Variants in RTTN observed in about 807,000 individuals in gnomAD.
RTTN encodes the protein rotatin.
Under a neutral mutation model 269.2 loss-of-function variants are expected in RTTN, and 182 were observed. That is an observed-to-expected ratio of 0.68 (90% confidence interval 0.60 to 0.76). The LOEUF (loss-of-function observed/expected upper bound fraction) is 0.76, where lower values mean the gene tolerates loss of function less well. RTTN is among the 30% of genes least tolerant of loss of function. RTTN has a pLI of 0.00. For missense variants in RTTN, 2,545 were observed against 2,608.6 expected (o/e 0.98, Z 0.53); for synonymous variants, 1,006 against 963.5 (o/e 1.04, Z -0.82).
rs549605470 is a variant in RTTN, at chr18:70,051,421, T to C, written c.5313A>G (p.Thr1771=). 2 of 1,609,646 alleles carry C rather than the reference T, an allele frequency of 1.2e-6. No individual in the cohort carries two copies. The highest frequency in any genetic ancestry group is 2.2e-5 in the East Asian group (1 of 44,830). ...FVTVALAKHW[T]AAIDMFCTCA... is the part of the protein sequence containing the mutation. ...CAAGTATCTTCTTACCAATCGCCGCTGTCCAGTGCTTGGCCAGGGCCACGG... is the reference window on the plus strand; with the variant it reads ...CAAGTATCTTCTTACCAATCGCCGCCGTCCAGTGCTTGGCCAGGGCCACGG... The change falls in exon 39 of 49, where the codon ACA becomes ACG. Residue 1771 remains threonine (T), a synonymous_variant. Transcript: ENST00000640769.
chr18:70,142,290 T>C lies in RTTN; in HGVS notation c.2579A>G (p.Gln860Arg). 1 of 1,579,654 alleles carries C rather than the reference T, an allele frequency of 6.3e-7. No individual in the cohort carries two copies. The highest frequency in any genetic ancestry group is 8.7e-7 in the Non-Finnish European group (1 of 1,150,846). The part of the protein sequence containing the change: ...SAAEQLAVIM[Q>R]DIKMHAVVKK... ...TCATTTCCCTTAAAAGACATTACCT[T>C]GCATAATCACAGCTAACTGTTCAGC... The change falls in exon 19 of 49, where the codon CAA becomes CGA. Residue 860 changes from glutamine (Q) to arginine (R), a missense_variant and splice_region_variant. Coordinates refer to ENST00000640769, the MANE Select transcript of RTTN (RefSeq NM_173630.4).
chr18:70,094,945 T>C (rs775661683), intron 28 of RTTN, among the ~76,000 whole-genome samples: 1 of 152,126 alleles, frequency 6.6e-6, no homozygotes, highest in African/African-American at 2.4e-5. Flanking sequence ...CTAAGTCTCT[T>C]TGTAGGTCTC....
intron 10 of RTTN, among the ~76,000 whole-genome samples, chr18:70,179,924 T>G (rs1054076938): frequency 6.6e-6 from 1 of 152,092 alleles, no homozygotes; most frequent in Non-Finnish European, 1.5e-5. Context: ...AAGGCAGGAC[T>G]ACTCAGCATC....
intron 40 of RTTN, among the ~76,000 whole-genome samples, chr18:70,032,915 C>T (rs1169776115): frequency 6.6e-6 from 1 of 152,208 alleles, no homozygotes; most frequent in Non-Finnish European, 1.5e-5. Flanking sequence ...CTAAAATCAA[C>T]CACACAATCA....
intron 27 of RTTN, among the ~76,000 whole-genome samples, chr18:70,113,720 A>T (rs75401292): frequency 6.6e-6 from 1 of 152,170 alleles, no homozygotes; most frequent in Non-Finnish European, 1.5e-5. Context: ...TCATAGAAAG[A>T]AGTAGTGATA....
At chr18:70,066,813 C>G (rs1599363626) in intron 34 of RTTN, among the ~76,000 whole-genome samples, 1 of 152,198 alleles carries the variant, frequency 6.6e-6, no homozygotes, top group African/African-American at 2.4e-5. Flanking sequence ...CTTAGAATTA[C>G]CATGATGAAA....
At chr18:70,133,456 CA>C (rs1227586157) in intron 23 of RTTN, among the ~76,000 whole-genome samples, 2 of 152,080 alleles carry the variant, frequency 1.3e-5, no homozygotes, top group African/African-American at 2.4e-5. Context: ...GTCATTTCTT[CA>C]TAATAGCCCA....
chr18:70,005,087 G>A, intron 48 of RTTN, 111 bp downstream of exon 48: 1 of 603,772 alleles, frequency 1.7e-6, no homozygotes, highest in East Asian at 2.9e-5. Context: ...CTGAATATTG[G>A]CACATTTTAC....
At chr18:70,031,448 G>A (rs535562063) in intron 40 of RTTN, 19 of 397,408 alleles carry the variant, frequency 4.8e-5, no homozygotes, top group African/African-American at 1.4e-4. Context: ...TCCATCTTTC[G>A]TTTCTATGGT....
At chr18:70,170,322 T>C (rs1048489395) in intron 11 of RTTN, among the ~76,000 whole-genome samples, 1 of 152,070 alleles carries the variant, frequency 6.6e-6, no homozygotes, top group Admixed American at 6.6e-5. Flanking sequence ...CTGAAGAAAG[T>C]AGAGTGTAAA....
intron 40 of RTTN, among the ~76,000 whole-genome samples, chr18:70,039,915 G>A (rs2057290438): frequency 6.6e-6 from 1 of 152,012 alleles, no homozygotes; most frequent in Admixed American, 6.5e-5. Flanking sequence ...TAAAATAATG[G>A]GCTATAAGAA....
intron 9 of RTTN, among the ~76,000 whole-genome samples, chr18:70,190,258 T>C (rs1477125926): frequency 6.8e-6 from 1 of 146,530 alleles, no homozygotes; most frequent in Non-Finnish European, 1.5e-5. Flanking sequence ...CAAGAATAAA[T>C]GCAAAAAATA....
chr18:70,199,840 A>G (rs1054027223), intron 4 of RTTN, among the ~76,000 whole-genome samples: 5 of 152,266 alleles, frequency 3.3e-5, no homozygotes, highest in Middle Eastern at 3.2e-3. Context: ...CTTAAATTCA[A>G]CATAAAAGGA....
At chr18:70,034,997 C>A (rs2057127817) in intron 40 of RTTN, among the ~76,000 whole-genome samples, 1 of 152,138 alleles carries the variant, frequency 6.6e-6, no homozygotes, top group African/African-American at 2.4e-5. Context: ...CCTAGGAATA[C>A]AGCTAACCAG....
chr18:70,108,459 C>T (rs2059380908), intron 28 of RTTN, among the ~76,000 whole-genome samples: 1 of 152,064 alleles, frequency 6.6e-6, no homozygotes, highest in African/African-American at 2.4e-5. Context: ...TTGAAAAAGT[C>T]ACGTTCTTAC....
intron 32 of RTTN, among the ~76,000 whole-genome samples, chr18:70,078,030 G>T (rs914260376): frequency 1.3e-5 from 2 of 151,666 alleles, no homozygotes; most frequent in Admixed American, 1.3e-4. Flanking sequence ...GAAAAGATTT[G>T]TCAGAGCCAA....
chr18:70,051,563 A>C lies in RTTN; in HGVS notation c.5186-15T>G. 2 of 1,563,752 alleles carry C rather than the reference A, an allele frequency of 1.3e-6. No homozygotes were observed. The highest frequency in any genetic ancestry group is 8.7e-7 in the Non-Finnish European group (1 of 1,144,404). On this transcript the variant is annotated splice_polypyrimidine_tract_variant and intron_variant, in intron 38 of 48. Transcript: ENST00000640769. ...TAACTCTTTATCTATAAAATTAATC[A>C]AAACACTTCAAGTTATTAACACAAA...
chr18:70,017,917 T>A (rs530569177), intron 45 of RTTN, among the ~76,000 whole-genome samples: 1 of 152,324 alleles, frequency 6.6e-6, no homozygotes, highest in East Asian at 1.9e-4. Context: ...TGAAGTATAC[T>A]ATAGTTAACT....
In RTTN at chr18:70,051,552, T is replaced by A. The variant is rs28599773; in HGVS notation, c.5186-4A>T. On this transcript the variant is annotated splice_polypyrimidine_tract_variant and splice_region_variant and intron_variant, in intron 38 of 48. Coordinates refer to ENST00000640769, the MANE Select transcript of RTTN (RefSeq NM_173630.4). ...AAAGCTGATATTAACTCTTTATCTATAAAATTAATCAAAACACTTCAAGTT... is the reference window on the plus strand; with the variant it reads ...AAAGCTGATATTAACTCTTTATCTAAAAAATTAATCAAAACACTTCAAGTT... The A allele has an allele frequency of 1.5e-5, 24 of 1,586,094 alleles. No individual in the cohort carries two copies. The highest frequency in any genetic ancestry group is 2.0e-5 in the Non-Finnish European group (23 of 1,161,540).
Sources: gnomAD v4.1 joint callset for allele counts (sites outside exome capture counted in the v4.1 genomes callset) on GRCh38, gnomAD v4.1.1 for gene constraint, MANE v1.5 for transcripts, NCBI Gene and HGNC (gene_info 2026-07-23, HGNC 2026-07-21) for gene names.